Variants in NAA30 observed in about 807,000 individuals in gnomAD.
NAA30 encodes N-alpha-acetyltransferase 30, NatC catalytic subunit.
Under a neutral mutation model 31.4 loss-of-function variants are expected in NAA30, and 5 were observed. That is an observed-to-expected ratio of 0.16 (90% CI 0.08 to 0.33). The LOEUF is 0.33. NAA30 is among the 10% of genes least tolerant of loss of function. The pLI is 1.00. For synonymous variants in NAA30, 222 were observed against 207.1 expected, an observed-to-expected ratio of 1.07 and a Z score of -0.62; for missense variants, 428 against 490.8, an observed-to-expected ratio of 0.87 and a Z score of 1.21.
rs1197475929 is a variant in NAA30 at position 57,412,176 on chromosome 14, A to G, written c.*2660A>G. The G allele has an allele frequency of 6.6e-6, 1 of 152,194 alleles. No individual in the cohort carries two copies. Among genetic ancestry groups the G allele is most frequent in the Non-Finnish European group, 1.5e-5 (1 of 68,018 alleles). 9.4% of individuals were successfully genotyped at this position (152,194 alleles called of 1,614,324 possible). ...GGATGAAACTACTTTAGCAAAGTCC[A>G]CAGATCAGAAACCAGACGGTAGTTT... On this transcript the variant is annotated 3_prime_UTR_variant, in exon 5 of 5. Coordinates refer to ENST00000556492, the MANE Select transcript of NAA30 (RefSeq NM_001011713.3).
At chr14:57,393,009 CTG>C (rs1227885930) in intron 2 of NAA30, among the ~76,000 whole-genome samples, 1 of 152,184 alleles carries the variant, frequency 6.6e-6, no homozygotes, top group African/African-American at 2.4e-5. Context: ...TAAGACATGT[CTG>C]TGTCAATGAA....
In NAA30 at chr14:57,391,749, G is replaced by A. The variant is rs1182313160; in HGVS notation, c.771+21G>A. The stretch of plus-strand genomic sequence containing the variant: ...TCTTGGTAAGTGGATAGAATAAAAA[G>A]AGGGTGAACCCAGCAGTGATCGAGA... On this transcript the variant is annotated intron_variant, in intron 2 of 4. Coordinates refer to ENST00000556492, the MANE Select transcript of NAA30 (RefSeq NM_001011713.3). The surrounding 1 kb of genome is among the most constrained non-coding windows in gnomAD (Gnocchi z 4.1). 1 of 1,575,994 alleles carries A rather than the reference G, an allele frequency of 6.3e-7. No individual in the cohort carries two copies. The highest frequency in any genetic ancestry group is 2.2e-5 in the East Asian group (1 of 44,716).
In NAA30 at chr14:57,414,136, AG is replaced by A. The variant is rs2066536664; in HGVS notation, c.*4621del. On this transcript the variant is annotated 3_prime_UTR_variant, in exon 5 of 5. Transcript: ENST00000556492. ...AAAATGGAAGGATCACAATTAGGCC[AG>A]ATGTGGTGGCTCACGCCTATTATCC... is the stretch of plus-strand genomic sequence containing the variant. The A allele has an allele frequency of 6.6e-6, 1 of 152,290 alleles. No individual in the cohort carries two copies. The highest frequency in any genetic ancestry group is 2.1e-4 in the South Asian group (1 of 4,836). The allele number at this position is 152,290 out of a possible 1,614,324, so 9.4% of individuals were successfully genotyped here.
chr14:57,395,854 C>G (rs927636499), intron 2 of NAA30, among the ~76,000 whole-genome samples: 1 of 152,066 alleles, frequency 6.6e-6, no homozygotes, highest in Non-Finnish European at 1.5e-5. Context: ...CTAAGCAATA[C>G]CTTATAAACT....
intron 1 of NAA30, 56 bp downstream of exon 1, chr14:57,390,761 CG>C (rs2066422711): frequency 2.2e-6 from 1 of 453,126 alleles, no homozygotes; most frequent in Non-Finnish European, 3.5e-6. Context: ...CCCGGGCGGA[CG>C]GGGACGGTGG....
intron 2 of NAA30, among the ~76,000 whole-genome samples, chr14:57,395,314 TAAAA>T (rs935067834): frequency 1.2e-4 from 18 of 152,092 alleles, no homozygotes; most frequent in African/African-American, 4.1e-4. Flanking sequence ...TCTCCACAGT[TAAAA>T]AAAGGCCTTT....
At position 57,409,526 on chromosome 14, in the gene NAA30, A is replaced by T; in HGVS notation, c.*10A>T. ...ACTGTGGCTGCGTTGAGAAACTGAC[A>T]TCAAGGAACAACTATCATCCGCACA... is the stretch of plus-strand genomic sequence containing the variant. On this transcript the variant is annotated 3_prime_UTR_variant, in exon 5 of 5. Coordinates refer to ENST00000556492, the MANE Select transcript of NAA30 (RefSeq NM_001011713.3). 6.3e-7 allele frequency: 1 copy of T among 1,594,228 alleles called. No individual in the cohort carries two copies. The highest frequency in any genetic ancestry group is 8.5e-7 in the Non-Finnish European group (1 of 1,173,608).
intron 4 of NAA30, among the ~76,000 whole-genome samples, chr14:57,400,948 A>C (rs1051275094): frequency 6.7e-6 from 1 of 149,856 alleles, no homozygotes; most frequent in African/African-American, 2.5e-5. Flanking sequence ...GTCCAGCTGG[A>C]GACCACTCCA....
rs980341886 is a variant in NAA30 at position 57,413,492 on chromosome 14, G to A, written c.*3976G>A. On this transcript the variant is annotated 3_prime_UTR_variant, in exon 5 of 5. Coordinates refer to ENST00000556492, the MANE Select transcript of NAA30 (RefSeq NM_001011713.3). The stretch of plus-strand genomic sequence containing the variant: ...ATCAGTATTAACCTGTAGCCCAGAG[G>A]TGTTAGATTTATTTTTTGAGACAGA... 6.6e-6 allele frequency: 1 copy of A among 152,184 alleles called. No homozygotes were observed. The highest frequency in any genetic ancestry group is 1.5e-5 in the Non-Finnish European group (1 of 68,064). 9.4% of individuals were successfully genotyped at this position (152,184 alleles called of 1,614,324 possible).
Position 57,415,460 on chromosome 14 carries a change from G to GT in NAA30, c.*5948dup, listed in dbSNP as rs1266146781. ...GCCCCTTAAATAGGCATTTTAAGAA[G>GT]TTTTATTTCCTGGTACTTAAATATT... On this transcript the variant is annotated 3_prime_UTR_variant, in exon 5 of 5. Transcript: ENST00000556492. 4 of 152,144 alleles carry GT rather than the reference G, an allele frequency of 2.6e-5. No homozygotes were observed. Among genetic ancestry groups the GT allele is most frequent in the Non-Finnish European group, 4.4e-5 (3 of 68,020 alleles). The allele number at this position is 152,144 out of a possible 1,614,324, so 9.4% of individuals were successfully genotyped here. A position where few individuals can be genotyped will look rare whatever the true frequency, so the allele number is the denominator to read the frequency against.
At chr14:57,393,523 T>C (rs1026524090) in intron 2 of NAA30, among the ~76,000 whole-genome samples, 1 of 152,224 alleles carries the variant, frequency 6.6e-6, no homozygotes, top group African/African-American at 2.4e-5. Context: ...TAAATTTAAG[T>C]TTCCCATAGG....
chr14:57,391,211 A>T lies in NAA30; in HGVS notation c.254A>T (p.Asn85Ile). ...PQPPQEQQQL[N>I]GLISPELRHL... ...CCGCCGCAGGAGCAGCAGCAGCTCA[A>T]CGGATTGATTAGCCCCGAACTGCGG... is the stretch of plus-strand genomic sequence containing the variant. The change falls in exon 2 of 5, where the codon AAC (asparagine) becomes ATC (isoleucine). Residue 85 changes from asparagine (N) to isoleucine (I), a missense_variant. By Grantham distance (149) the Asn-to-Ile change is moderately radical. Transcript: ENST00000556492. This position sits in a 1 kb window ranked among gnomAD's most constrained non-coding sequence, Gnocchi z 4.1. 6.2e-7 allele frequency: 1 copy of T among 1,612,060 alleles called. No homozygotes were observed. Among genetic ancestry groups the T allele is most frequent in the Non-Finnish European group, 8.5e-7 (1 of 1,179,846 alleles).
intron 4 of NAA30, among the ~76,000 whole-genome samples, chr14:57,400,701 T>A (rs999008752): frequency 6.6e-6 from 1 of 152,198 alleles, no homozygotes; most frequent in African/African-American, 2.4e-5. Flanking sequence ...TAATAAATAA[T>A]TTGTTTAGTG....
chr14:57,402,651 A>C (rs1416285206), intron 4 of NAA30, among the ~76,000 whole-genome samples: 3 of 152,320 alleles, frequency 2.0e-5, no homozygotes, highest in Admixed American at 6.5e-5. Flanking sequence ...TGAAATGATA[A>C]ATCTCCAAAA....
At position 57,391,191 on chromosome 14, in the gene NAA30, G is replaced by A. The variant is rs185165873; in HGVS notation, c.234G>A (p.Pro78=). The A allele has an allele frequency of 1.2e-6, 2 of 1,610,936 alleles. No homozygotes were observed. Among genetic ancestry groups the A allele is most frequent in the African/African-American group, 2.7e-5 (2 of 74,922 alleles). Residue 78 remains proline (P), a synonymous_variant, in exon 2 of 5, where the codon CCG becomes CCA. Coordinates refer to ENST00000556492, the MANE Select transcript of NAA30 (RefSeq NM_001011713.3). The surrounding 1 kb of genome is among the most constrained non-coding windows in gnomAD (Gnocchi z 4.1). ...GHPCLRCPQP[P]QEQQQLNGLI... is the part of the protein sequence containing the mutation. ...CGTGCCTCCGCTGCCCTCAGCCGCC[G>A]CAGGAGCAGCAGCAGCTCAACGGAT...
At chr14:57,399,943 TAATAAATA>T in intron 4 of NAA30, 60 bp downstream of exon 4, 1 of 834,358 alleles carries the variant, frequency 1.2e-6, no homozygotes, top group South Asian at 1.6e-5. Context: ...TGGGTATTTT[TAATAAATA>T]TTTTATAATT....
Position 57,399,830 on chromosome 14 carries a change from A to T in NAA30, c.898A>T (p.Thr300Ser), listed in dbSNP as rs2066466869. Residue 300 changes from threonine to serine, a missense_variant and splice_region_variant, in exon 4 of 5, where the codon ACT becomes TCT. Thr to Ser is a moderately conservative substitution (Grantham distance 58). This residue lies in a region of NAA30 where 79 missense variants were observed against 180.3 expected (regional missense o/e 0.44). Transcript: ENST00000556492. ...TAATACTCAGATCTATATTCTAGGTACTAACTTGGTTAAGAAAGCTATATA... is the reference window on the plus strand; with the variant it reads ...TAATACTCAGATCTATATTCTAGGTTCTAACTTGGTTAAGAAAGCTATATA... ...DSKYRRNGIG[T>S]NLVKKAIYAM... The T allele has an allele frequency of 6.7e-7, 1 of 1,494,376 alleles. No individual in the cohort carries two copies. The highest frequency in any genetic ancestry group is 9.3e-7 in the Non-Finnish European group (1 of 1,075,358). 92.6% of individuals were successfully genotyped at this position (1,494,376 alleles called of 1,614,324 possible). A position where few individuals can be genotyped will look rare whatever the true frequency, so the allele number is the denominator to read the frequency against.
intron 4 of NAA30, among the ~76,000 whole-genome samples, chr14:57,408,097 T>C (rs570280780): frequency 6.6e-6 from 1 of 152,314 alleles, no homozygotes; most frequent in African/African-American, 2.4e-5. Context: ...ACTGTCTTTA[T>C]TATTTGCATC....
intron 1 of NAA30, 40 bp from the exon 2 acceptor site, chr14:57,390,917 G>C (rs543641262): frequency 6.9e-7 from 1 of 1,449,818 alleles, no homozygotes; most frequent in South Asian, 1.6e-5. Context: ...CTCCTCGGCC[G>C]GGTTTCATGG....
Sources: allele counts gnomAD v4.1 joint callset (sites outside exome capture counted in the v4.1 genomes callset), GRCh38; gene constraint gnomAD v4.1.1; regional missense constraint gnomAD v4.1.1; non-coding constraint Gnocchi (gnomAD v3.1); transcripts MANE v1.5; gene names NCBI Gene and HGNC (gene_info 2026-07-23, HGNC 2026-07-21).